Variants in CTNNA2 observed in about 807,000 individuals in gnomAD.
CTNNA2 encodes the protein catenin alpha 2.
In CTNNA2, 42 loss-of-function variants were observed where a neutral mutation model predicts 101.0. The ratio of observed to expected loss-of-function variants is 0.42; its 90% CI spans 0.32 to 0.54. The LOEUF is 0.54. Among genes scored for constraint, CTNNA2 ranks in the 20% least tolerant of loss-of-function variants. The probability of loss-of-function intolerance (pLI) is 0.14; values close to 1 mark genes in which losing one functional copy is unlikely to be tolerated. For missense variants in CTNNA2, 871 were observed against 1,223.1 expected, an observed-to-expected ratio of 0.71 and a Z score of 4.29; for synonymous variants, 450 against 456.4, an observed-to-expected ratio of 0.99 and a Z score of 0.18.
intron 7 of CTNNA2, among the ~76,000 whole-genome samples, chr2:80,374,874 T>A: frequency 2.0e-5 from 3 of 152,182 alleles, no homozygotes; most frequent in Middle Eastern, 6.8e-3. Context: ...CAATGTGAAT[T>A]TGAGGATGGG....
intron 9 of CTNNA2, among the ~76,000 whole-genome samples, chr2:80,481,286 T>C (rs922119845): frequency 5.5e-4 from 84 of 152,238 alleles, no homozygotes; most frequent in African/African-American, 7.2e-5. Flanking sequence ...GGTACAAATA[T>C]GTCTGTTCTC....
chr2:80,236,120 G>A (rs1709538325), intron 7 of CTNNA2, among the ~76,000 whole-genome samples: 1 of 152,146 alleles, frequency 6.6e-6, no homozygotes, highest in Admixed American at 6.5e-5. Context: ...CTCTATCCAT[G>A]TTCTCTCAAA....
intron 7 of CTNNA2, among the ~76,000 whole-genome samples, chr2:80,370,960 GT>G (rs1675384913): frequency 6.6e-6 from 1 of 152,166 alleles, no homozygotes; most frequent in Admixed American, 6.5e-5. Flanking sequence ...ATAAATAGTT[GT>G]AGAGAAGTAT....
intron 4 of CTNNA2, among the ~76,000 whole-genome samples, chr2:79,413,934 CATATATATATAT>C (rs70940033): frequency 0.044 from 6,176 of 140,122 alleles, 188 homozygotes; most frequent in African/African-American, 0.095. Flanking sequence ...GAGCTGAATT[CATATATATATAT>C]ATATATATAT....
chr2:80,057,922 A>G (rs192975392), intron 7 of CTNNA2, among the ~76,000 whole-genome samples: 1 of 152,238 alleles, frequency 6.6e-6, no homozygotes, highest in Non-Finnish European at 1.5e-5. Flanking sequence ...TTAAAGAAAT[A>G]AAAGGAAACA....
At chr2:79,543,097 A>G (rs1297294595) in intron 1 of CTNNA2, among the ~76,000 whole-genome samples, 1 of 152,154 alleles carries the variant, frequency 6.6e-6, no homozygotes, top group Non-Finnish European at 1.5e-5. Flanking sequence ...TGTTAAGTGA[A>G]TTGTCTGGAA....
chr2:80,250,412 G>A (rs947335785), intron 7 of CTNNA2, among the ~76,000 whole-genome samples: 1 of 152,154 alleles, frequency 6.6e-6, no homozygotes, highest in Non-Finnish European at 1.5e-5. Context: ...AGATGTTTCA[G>A]GGAGTAAACG....
intron 12 of CTNNA2, among the ~76,000 whole-genome samples, chr2:80,562,419 A>G (rs1693689007): frequency 6.6e-6 from 1 of 152,204 alleles, no homozygotes; most frequent in Non-Finnish European, 1.5e-5. Flanking sequence ...CTACGCTGAG[A>G]AACCATTACC....
chr2:79,322,485 T>G (rs1179687196), intron 3 of CTNNA2, among the ~76,000 whole-genome samples: 3 of 152,208 alleles, frequency 2.0e-5, no homozygotes, highest in Admixed American at 2.0e-4. Context: ...GATTGGATTT[T>G]GCATTGTCAA....
rs137870710 is a variant in CTNNA2, at chr2:79,497,404, C to A, written c.-134-7650C>A. On this transcript the variant is annotated intron_variant, in intron 4 of 21. Coordinates refer to the CTNNA2 transcript ENST00000466387. ...TGTATTAGTTGTCAATGACATTGAC[C>A]CATCTCGTTCTTAGTATTTGTTCCT... is the stretch of plus-strand genomic sequence containing the variant. Among the ~76,000 whole-genome samples the A allele has an allele frequency of 1.5e-3, 224 of 152,228 alleles. 1 individual carries two copies. Among genetic ancestry groups the A allele is most frequent in the Non-Finnish European group, 7.5e-4 (51 of 68,022 alleles).
chr2:80,179,530 C>T, intron 7 of CTNNA2, among the ~76,000 whole-genome samples: 1 of 152,116 alleles, frequency 6.6e-6, no homozygotes, highest in East Asian at 1.9e-4. Flanking sequence ...CCCGCCACCA[C>T]ACCGGGCTAA....
At chr2:80,352,917 TA>T (rs371879540) in intron 7 of CTNNA2, among the ~76,000 whole-genome samples, 6,146 of 146,206 alleles carry the variant, frequency 0.042, 158 homozygotes, top group African/African-American at 0.072. Flanking sequence ...GAGGTTACTT[TA>T]AAAAAAAAAA....
intron 7 of CTNNA2, among the ~76,000 whole-genome samples, chr2:80,267,638 G>A: frequency 6.6e-6 from 1 of 152,092 alleles, no homozygotes; most frequent in Non-Finnish European, 1.5e-5. Flanking sequence ...CTCTAAATGA[G>A]AACATAAAAA....
chr2:79,654,097 C>A (rs1394169627), intron 2 of CTNNA2, among the ~76,000 whole-genome samples: 3 of 152,098 alleles, frequency 2.0e-5, no homozygotes, highest in Non-Finnish European at 2.9e-5. Flanking sequence ...ACCAGCAGAG[C>A]CTTTAACCAA....
intron 7 of CTNNA2, among the ~76,000 whole-genome samples, chr2:80,207,067 G>C (rs1292445755): frequency 6.6e-6 from 1 of 152,148 alleles, no homozygotes; most frequent in East Asian, 1.9e-4. Context: ...TAGTCTCTGA[G>C]GCTACGTTTC....
rs147215103 is a variant in CTNNA2 at position 80,330,315 on chromosome 2, A to G, written c.1057-62896A>G. On this transcript the variant is annotated intron_variant, in intron 7 of 18. Transcript: ENST00000402739. The stretch of plus-strand genomic sequence containing the variant: ...CAATTACATGACAAAGCATTTGGGG[A>G]TAAAACAGGAAAAAATAAAGGCAGA... Among the ~76,000 whole-genome samples, 410 of 152,344 alleles carry G rather than the reference A, an allele frequency of 2.7e-3. 2 individuals carry two copies. Among genetic ancestry groups the G allele is most frequent in the African/African-American group, 9.2e-3 (383 of 41,586 alleles).
intron 7 of CTNNA2, among the ~76,000 whole-genome samples, chr2:79,930,242 C>CAAAGAAAG (rs141730925): frequency 1.2e-5 from 1 of 82,638 alleles, no homozygotes; most frequent in Admixed American, 1.3e-4. Flanking sequence ...GACTCTGTCT[C>CAAAGAAAG]AAAGAAAGAA....
intron 7 of CTNNA2, among the ~76,000 whole-genome samples, chr2:80,174,321 A>C (rs1458240665): frequency 6.6e-6 from 1 of 152,174 alleles, no homozygotes; most frequent in Non-Finnish European, 1.5e-5. Flanking sequence ...GGAACTGAGC[A>C]TACCTTGATG....
At chr2:80,184,885 G>A (rs1706017064) in intron 7 of CTNNA2, among the ~76,000 whole-genome samples, 1 of 152,136 alleles carries the variant, frequency 6.6e-6, no homozygotes, top group Non-Finnish European at 1.5e-5. Context: ...TTTAAAAGAT[G>A]TGCAAGAAAC....
Sources: gnomAD v4.1 joint callset for allele counts (sites outside exome capture counted in the v4.1 genomes callset) on GRCh38, gnomAD v4.1.1 for gene constraint, MANE v1.5 for transcripts, NCBI Gene and HGNC (gene_info 2026-07-23, HGNC 2026-07-21) for gene names.